The following ITGA10 variants were observed in gnomAD, a reference collection of about 807,000 sequenced individuals.
The protein encoded by ITGA10 is integrin alpha-10.
A neutral mutation model predicts 145.2 loss-of-function variants in ITGA10; 105 were observed. That is an observed-to-expected ratio of 0.72 (90% CI 0.62 to 0.85). The LOEUF (loss-of-function observed/expected upper bound fraction) is 0.85, where lower values mean the gene tolerates loss of function less well. ITGA10 is among the 40% of genes least tolerant of loss of function. The pLI, the probability that ITGA10 is intolerant of heterozygous loss-of-function variation, is 0.00. For missense variants in ITGA10, 1,317 were observed against 1,444.5 expected (o/e 0.91, Z 1.43); for synonymous variants, 506 against 557.8 (o/e 0.91, Z 1.31).
chr1:145,900,736 C>G, intron 14 of ITGA10, 54 bp downstream of exon 14: 2 of 1,548,912 alleles, frequency 1.3e-6, no homozygotes, highest in Non-Finnish European at 8.9e-7. Context: ...CAAAGAGCAT[C>G]CCCCTATTCC....
chr1:145,903,024 TACAC>T (rs55794832), intron 7 of ITGA10, 63 bp from the exon 8 acceptor site: 50,820 of 371,818 alleles, frequency 0.14, 990 homozygotes, highest in East Asian at 0.2. Context: ...CACACACACA[TACAC>T]ACACACACAC....
Position 145,907,838 on chromosome 1 carries a change from C to T in ITGA10, c.53-373G>A, listed in dbSNP as rs969443609. Among the ~76,000 whole-genome samples, 105 of 128,174 alleles carry T rather than the reference C, an allele frequency of 8.2e-4. No individual in the cohort carries two copies. In the Middle Eastern group the frequency reaches 0.021, roughly 26 times the overall value. The allele number at this position is 128,174 out of a possible 152,430, so 84.1% of individuals were successfully genotyped here. On this transcript the variant is annotated intron_variant, in intron 1 of 29. Transcript: ENST00000369304. ...AGGCTGGAGTGCAGTGGCGTGATCTCGGCTTACTGCAGGCTCCGCCCCCCT... is the reference window on the plus strand; with the variant it reads ...AGGCTGGAGTGCAGTGGCGTGATCTTGGCTTACTGCAGGCTCCGCCCCCCT...
At chr1:145,896,373 G>A (rs782603363) in intron 23 of ITGA10, 21 bp from the exon 24 acceptor site, 19 of 1,571,120 alleles carry the variant, frequency 1.2e-5, no homozygotes, top group Non-Finnish European at 1.6e-5. Context: ...ACCAAGTCAG[G>A]AAGTACATGG....
At chr1:145,898,415 C>T (rs1553746210) in intron 17 of ITGA10, among the ~76,000 whole-genome samples, 192 bp from the exon 18 acceptor site, 1 of 152,124 alleles carries the variant, frequency 6.6e-6, no homozygotes, top group East Asian at 1.9e-4. Context: ...GTCGCCCAGG[C>T]TGGAGTGCAG....
At chr1:145,902,661 T>C in intron 8 of ITGA10, 42 bp from the exon 9 acceptor site, 1 of 1,562,510 alleles carries the variant, frequency 6.4e-7, no homozygotes, top group South Asian at 1.2e-5. Context: ...TTAGAGTTGG[T>C]ACAGAACACA....
chr1:145,897,569 A>G lies in ITGA10; in HGVS notation c.2517T>C (p.Asn839=). 1 of 1,614,080 alleles carries G rather than the reference A, an allele frequency of 6.2e-7. No individual in the cohort carries two copies. The highest frequency in any genetic ancestry group is 8.5e-7 in the Non-Finnish European group (1 of 1,180,014). Residue 839 remains asparagine, a synonymous_variant, in exon 20 of 30, where the codon AAT becomes AAC. Coordinates refer to ENST00000369304, the MANE Select transcript of ITGA10 (RefSeq NM_003637.5). The stretch of plus-strand genomic sequence containing the variant: ...TAGAGAAGATGAGACTCAGGCTCGT[A>G]TTGTAAGCATTTTCCTTTCTGTTCT... The part of the protein sequence containing the change: ...TLENRKENAY[N]TSLSLIFSRN...
Position 145,893,545 on chromosome 1 carries a change from T to A in ITGA10, c.3319A>T (p.Ser1107Cys). ...GACTCGGTCTCCAGCCCTACCTCACTCCAACGGGAGGCTTCAGTCAGCTGT... is the reference window on the plus strand; with the variant it reads ...GACTCGGTCTCCAGCCCTACCTCACACCAACGGGAGGCTTCAGTCAGCTGT... ...VLQLTEASRW[S>C]ESLLEVVQTR... The change falls in exon 28 of 30, where the codon AGT becomes TGT. Residue 1107 changes from serine to cysteine, a missense_variant. Physicochemically the swap from Ser to Cys is moderately radical, Grantham distance 112 (BLOSUM62 -1). Coordinates refer to ENST00000369304, the MANE Select transcript of ITGA10 (RefSeq NM_003637.5). The A allele has an allele frequency of 2.5e-6, 4 of 1,610,016 alleles. No individual in the cohort carries two copies.
In ITGA10 at chr1:145,906,827, G is replaced by A. The variant is rs782311324; in HGVS notation, c.275-3C>T. ...TGAATTTCCCAGTTGGTAGTCACCT[G>A]GTTGGAAGGAGGTGGAAGAGAATGA... On this transcript the variant is annotated splice_region_variant and splice_polypyrimidine_tract_variant and intron_variant, in intron 3 of 29. Transcript: ENST00000369304. 79 of 1,605,212 alleles carry A rather than the reference G, an allele frequency of 4.9e-5. No individual in the cohort carries two copies. The highest frequency in any genetic ancestry group is 5.7e-5 in the Non-Finnish European group (67 of 1,172,412).
At position 145,897,603 on chromosome 1, in the gene ITGA10, G is replaced by A; in HGVS notation, c.2483C>T (p.Thr828Ile). 6.2e-7 allele frequency: 1 copy of A among 1,614,126 alleles called. No homozygotes were observed. Among genetic ancestry groups the A allele is most frequent in the Non-Finnish European group, 8.5e-7 (1 of 1,180,014 alleles). The change falls in exon 20 of 30, where the codon ACA becomes ATA. Residue 828 changes from threonine (T) to isoleucine (I), a missense_variant. Transcript: ENST00000369304. ...RGGRRKVLVSTTLENRKENAY... is the reference protein window; with the variant it reads ...RGGRRKVLVSITLENRKENAY... ...ATTTTCCTTTCTGTTCTCCAGAGTTGTAGATACCAGCACTTTCCGCCGGCC... is the reference window on the plus strand; with the variant it reads ...ATTTTCCTTTCTGTTCTCCAGAGTTATAGATACCAGCACTTTCCGCCGGCC...
intron 1 of ITGA10, among the ~76,000 whole-genome samples, chr1:145,907,993 A>G (rs1657393182): frequency 2.0e-5 from 3 of 151,422 alleles, no homozygotes; most frequent in African/African-American, 7.3e-5. Context: ...GATGGTCTCG[A>G]TCTCCTGACC....
Position 145,899,350 on chromosome 1 carries a change from A to G in ITGA10, c.1923-9T>C. ...GGACAATGGGCCGGGAGCTGGGAAC[A>G]GTGTGGAAAAGAAATTCTAGCAGTA... On this transcript the variant is annotated splice_polypyrimidine_tract_variant and intron_variant, in intron 15 of 29. Transcript: ENST00000369304. 6.2e-7 allele frequency: 1 copy of G among 1,611,256 alleles called. No individual in the cohort carries two copies.
chr1:145,901,689 G>A lies in ITGA10; in HGVS notation c.1295-25C>T. On this transcript the variant is annotated intron_variant, in intron 11 of 29. Coordinates refer to ENST00000369304, the MANE Select transcript of ITGA10 (RefSeq NM_003637.5). The surrounding 1 kb of genome is among the most constrained non-coding windows in gnomAD (Gnocchi z 4.3). ...CCTAGAAGTGGGCAAAGTAACAGAG[G>A]TAAAGGAAAAGAAGATGGGGTCCAG... 1.9e-6 allele frequency: 3 copies of A among 1,542,028 alleles called. No individual in the cohort carries two copies. The highest frequency in any genetic ancestry group is 2.6e-6 in the Non-Finnish European group (3 of 1,146,280).
rs781940348 is a variant in ITGA10 at position 145,899,041 on chromosome 1, A to C, written c.2127T>G (p.Ala709=). Residue 709 remains alanine, a synonymous_variant, in exon 17 of 30, where the codon GCT becomes GCG. Transcript: ENST00000369304. ...AGCCATCAAATGCTGCACGTGCCCC[A>C]GCAGTCCATTCATCCAGTGATGCGG... ...RFTASLDEWT[A]GARAAFDGSG... is the part of the protein sequence containing the mutation. 6.2e-7 allele frequency: 1 copy of C among 1,614,224 alleles called. No individual in the cohort carries two copies. Among genetic ancestry groups the C allele is most frequent in the African/African-American group, 1.3e-5 (1 of 75,058 alleles).
In ITGA10 at chr1:145,904,075, A is replaced by C; in HGVS notation, c.735T>G (p.Thr245=). 6.2e-7 allele frequency: 1 copy of C among 1,614,004 alleles called. No individual in the cohort carries two copies. The highest frequency in any genetic ancestry group is 1.1e-5 in the South Asian group (1 of 91,074). Residue 245 remains threonine, a synonymous_variant, in exon 7 of 30, where the codon ACT becomes ACG. Coordinates refer to ENST00000369304, the MANE Select transcript of ITGA10 (RefSeq NM_003637.5). ...ACCAGGCCACCATTATTGCTTGGGC[A>C]GTCTTTGTTTCTCGTCCCTCCCGCC... is the stretch of plus-strand genomic sequence containing the variant. ...LSRREGRETK[T]AQAIMVACTE... is the part of the protein sequence containing the mutation.
rs1553745590 is a variant in ITGA10 at position 145,897,364 on chromosome 1, A to G, written c.2575-25T>C. On this transcript the variant is annotated intron_variant, in intron 20 of 29. Coordinates refer to ENST00000369304, the MANE Select transcript of ITGA10 (RefSeq NM_003637.5). ...TCTGAGGGCAGGGGAATGGAGATAG[A>G]AGCTGGAGCTGGGGCTGCAACTGCT... is the stretch of plus-strand genomic sequence containing the variant. The G allele has an allele frequency of 2.5e-6, 4 of 1,612,096 alleles. No homozygotes were observed. In the South Asian group the frequency reaches 4.4e-5, roughly 18 times the overall value.
chr1:145,908,054 G>A (rs1657401003), intron 1 of ITGA10, among the ~76,000 whole-genome samples: 1 of 152,236 alleles, frequency 6.6e-6, no homozygotes, highest in South Asian at 2.1e-4. Flanking sequence ...ACAGGCGTGA[G>A]CCACCGCGCC....
chr1:145,898,587 C>G lies in ITGA10; in HGVS notation c.2232+349G>C, dbSNP rs1011724582. Among the ~76,000 whole-genome samples the G allele has an allele frequency of 3.3e-5, 5 of 152,220 alleles. No homozygotes were observed. In the East Asian group the frequency reaches 7.7e-4, roughly 24 times the overall value. On this transcript the variant is annotated intron_variant, in intron 17 of 29. Coordinates refer to ENST00000369304, the MANE Select transcript of ITGA10 (RefSeq NM_003637.5). ...GTTTCACCATGTTAGCCAGGATGGTCTCGATCTCCTGACCTTGTGATCCAC... is the reference window on the plus strand; with the variant it reads ...GTTTCACCATGTTAGCCAGGATGGTGTCGATCTCCTGACCTTGTGATCCAC...
At chr1:145,900,290 G>A in intron 14 of ITGA10, 103 bp from the exon 15 acceptor site, 6 of 1,287,964 alleles carry the variant, frequency 4.7e-6, no homozygotes, top group Non-Finnish European at 6.3e-6. Flanking sequence ...TTTTTGAGAT[G>A]GAGTTTCACT....
chr1:145,895,411 G>A lies in ITGA10; in HGVS notation c.3115-18C>T, dbSNP rs782537357. ...CTCCCATTCTAACAGAAGAGACAGAGAGAGACAGATCAGGACTCTGGGGTA... is the reference window on the plus strand; with the variant it reads ...CTCCCATTCTAACAGAAGAGACAGAAAGAGACAGATCAGGACTCTGGGGTA... On this transcript the variant is annotated intron_variant, in intron 26 of 29. Transcript: ENST00000369304. 6.5e-7 allele frequency: 1 copy of A among 1,529,026 alleles called. No homozygotes were observed. Among genetic ancestry groups the A allele is most frequent in the Admixed American group, 1.7e-5 (1 of 58,976 alleles). The allele number at this position is 1,529,026 out of a possible 1,614,324, so 94.7% of individuals were successfully genotyped here. A position where few individuals can be genotyped will look rare whatever the true frequency, so the allele number is the denominator to read the frequency against.
Sources: allele counts gnomAD v4.1 joint callset (sites outside exome capture counted in the v4.1 genomes callset), GRCh38; gene constraint gnomAD v4.1.1; non-coding constraint Gnocchi (gnomAD v3.1); transcripts MANE v1.5; gene names NCBI Gene and HGNC (gene_info 2026-07-23, HGNC 2026-07-21).